GSE1: variants seen among roughly 807,000 people sequenced by gnomAD.
GSE1 encodes Gse1 coiled-coil protein.
A neutral mutation model predicts 112.6 loss-of-function variants in GSE1; 32 were observed. The ratio of observed to expected loss-of-function variants is 0.28; its 90% confidence interval spans 0.21 to 0.38. The LOEUF (loss-of-function observed/expected upper bound fraction) is 0.38. Ranked by LOEUF, GSE1 falls within the 10% of genes least tolerant of loss-of-function variation. The probability of loss-of-function intolerance (pLI) is 1.00; values close to 1 mark genes in which losing one functional copy is unlikely to be tolerated. For missense variants in GSE1, 2,348 were observed against 1,699.2 expected, an observed-to-expected ratio of 1.38 and a Z score of -6.71; for synonymous variants, 1,115 against 735.6, an observed-to-expected ratio of 1.52 and a Z score of -8.35.
Position 85,443,535 on chromosome 16 carries a change from G to A in GSE1, c.2464+85892G>A, listed in dbSNP as rs145816637. Among the ~76,000 whole-genome samples the A allele has an allele frequency of 8.5e-3, 1,299 of 152,382 alleles. 6 individuals are homozygous for A. Among genetic ancestry groups the A allele is most frequent in the Middle Eastern group, 0.017 (5 of 294 alleles). ...GGTAATGTTTATATAAGCGTTAACT[G>A]TTATTATTCTGGGTAGAAACTTAAG... On this transcript the variant is annotated intron_variant, in intron 2 of 2. Coordinates refer to the GSE1 transcript ENST00000637419.
At chr16:85,614,706 C>T (rs987077001) in intron 1 of GSE1, among the ~76,000 whole-genome samples, 1 of 152,206 alleles carries the variant, frequency 6.6e-6, no homozygotes, top group African/African-American at 2.4e-5. Context: ...GTCGGTTTGG[C>T]TCTTACAAAC....
At chr16:85,385,109 C>T (rs187769841) in intron 2 of GSE1, among the ~76,000 whole-genome samples, 3 of 152,248 alleles carry the variant, frequency 2.0e-5, no homozygotes, top group African/African-American at 4.8e-5. Context: ...AGTCTGTTCT[C>T]GCCAAGGAAG....
At chr16:85,251,521 C>G (rs914506144) in intron 1 of GSE1, among the ~76,000 whole-genome samples, 2 of 152,160 alleles carry the variant, frequency 1.3e-5, no homozygotes, top group Admixed American at 1.3e-4. Context: ...GGCCGGGGCT[C>G]GAACCCTGCT....
chr16:85,351,443 A>T (rs1426496681), intron 1 of GSE1, among the ~76,000 whole-genome samples: 1 of 152,222 alleles, frequency 6.6e-6, no homozygotes, highest in African/African-American at 2.4e-5. Flanking sequence ...CAGAAATGAC[A>T]TTTGTATGAA....
At chr16:85,269,841 G>C (rs921521036) in intron 1 of GSE1, among the ~76,000 whole-genome samples, 8 of 149,450 alleles carry the variant, frequency 5.4e-5, no homozygotes, top group Non-Finnish European at 1.2e-4. Flanking sequence ...TAGGTGGGAT[G>C]CCTGTGCCCT....
intron 2 of GSE1, among the ~76,000 whole-genome samples, chr16:85,539,075 A>G (rs989262818): frequency 6.6e-6 from 1 of 152,180 alleles, no homozygotes; most frequent in African/African-American, 2.4e-5. Flanking sequence ...CCCTGCCTCC[A>G]CACAGCTTTG....
intron 2 of GSE1, among the ~76,000 whole-genome samples, chr16:85,430,782 C>T (rs1431389546): frequency 6.6e-6 from 1 of 152,204 alleles, no homozygotes; most frequent in African/African-American, 2.4e-5. Flanking sequence ...TGCCCGCCTC[C>T]ATCAGGGCCT....
intron 1 of GSE1, chr16:85,357,396 G>A: frequency 9.9e-7 from 1 of 1,005,544 alleles, no homozygotes; most frequent in Non-Finnish European, 1.3e-6. Context: ...TGGCCAGAGA[G>A]TCCATTCATG....
At chr16:85,450,364 C>T (rs1024925166) in intron 2 of GSE1, among the ~76,000 whole-genome samples, 2 of 152,000 alleles carry the variant, frequency 1.3e-5, no homozygotes, top group Non-Finnish European at 2.9e-5. Context: ...GTGATCTGCC[C>T]GCCTTGGCCT....
At chr16:85,578,923 T>G (rs2046341126) in intron 1 of GSE1, among the ~76,000 whole-genome samples, 1 of 151,040 alleles carries the variant, frequency 6.6e-6, no homozygotes, top group Non-Finnish European at 1.5e-5. Flanking sequence ...GACTGTAAGC[T>G]CCCCCCAGCA....
At position 85,657,438 on chromosome 16, in the gene GSE1, A is replaced by C; in HGVS notation, c.1474A>C (p.Asn492His). 6.2e-7 allele frequency: 1 copy of C among 1,612,548 alleles called. No individual in the cohort carries two copies. Among genetic ancestry groups the C allele is most frequent in the Non-Finnish European group, 8.5e-7 (1 of 1,179,772 alleles). The change falls in exon 8 of 16, where the codon AAT (asparagine) becomes CAT (histidine). Residue 492 changes from asparagine to histidine, a missense_variant. Physicochemically the swap from Asn to His is moderately conservative, Grantham distance 68 (BLOSUM62 1). Transcript: ENST00000253458. ...CACAGCCCTGCTGATCCAGCGCACC[A>C]ATGAGGAGGAGAAGTGGCTGGCGCG... ...AATALLIQRT[N>H]EEEKWLARQR...
intron 1 of GSE1, among the ~76,000 whole-genome samples, chr16:85,596,423 T>C (rs1375501140): frequency 6.6e-6 from 1 of 152,206 alleles, no homozygotes; most frequent in Non-Finnish European, 1.5e-5. Context: ...GTGTTCATCA[T>C]GTGTGTGCTC....
chr16:85,640,447 GCCC>G (rs2050347986), intron 2 of GSE1, among the ~76,000 whole-genome samples: 1 of 152,254 alleles, frequency 6.6e-6, no homozygotes, highest in Admixed American at 6.5e-5. Flanking sequence ...GGCCCGCGGG[GCCC>G]TGTGCCGCCT....
chr16:85,250,122 G>A (rs189072913), intron 1 of GSE1, among the ~76,000 whole-genome samples: 204 of 152,342 alleles, frequency 1.3e-3, no homozygotes, highest in African/African-American at 4.8e-3. Flanking sequence ...TTCTCTCCTA[G>A]TTTCGTCCAC....
Position 85,284,365 on chromosome 16 carries a change from GGCGCGA to G in GSE1, c.2284-73096_2284-73091del, listed in dbSNP as rs2044951162. On this transcript the variant is annotated intron_variant, in intron 1 of 2. Coordinates refer to the GSE1 transcript ENST00000637419. Reference sequence around the variant, plus strand: ...GAGAGAGGTCTCCCGGCGGGGGCCGGGCGCGAGAGCCTCTGCTTCCATCTGCTCGGC... The same window carrying G: ...GAGAGAGGTCTCCCGGCGGGGGCCGGGAGCCTCTGCTTCCATCTGCTCGGC... Among the ~76,000 whole-genome samples, 4 of 152,306 alleles carry G rather than the reference GGCGCGA, an allele frequency of 2.6e-5. No homozygotes were observed. The South Asian group carries it at 8.3e-4, about 32-fold the overall frequency.
At chr16:85,240,400 G>C (rs1042359454) in intron 1 of GSE1, among the ~76,000 whole-genome samples, 15 of 152,224 alleles carry the variant, frequency 9.9e-5, no homozygotes, top group African/African-American at 3.6e-4. Context: ...CCCCACCAAG[G>C]GGGAGGGGGG....
At chr16:85,444,063 C>T (rs565055092) in intron 2 of GSE1, among the ~76,000 whole-genome samples, 52 of 143,160 alleles carry the variant, frequency 3.6e-4, no homozygotes, top group East Asian at 8.4e-4. Context: ...TGGCTCACTG[C>T]GACCTCCGCC....
At position 85,661,202 on chromosome 16, in the gene GSE1, G is replaced by A. The variant is rs1363369161; in HGVS notation, c.1697G>A (p.Gly566Glu). The A allele has an allele frequency of 3.7e-6, 6 of 1,606,130 alleles. No homozygotes were observed. Among genetic ancestry groups the A allele is most frequent in the South Asian group, 1.1e-5 (1 of 90,866 alleles). The stretch of plus-strand genomic sequence containing the variant: ...CGTGACCCTCCGCAGCACTTTGGGG[G>A]GCCACCACCTCTGATTTCGCCCAAG... ...GGRDPPQHFGGPPPLISPKPQ... is the reference protein window; with the variant it reads ...GGRDPPQHFGEPPPLISPKPQ... Residue 566 changes from glycine to glutamate, a missense_variant, in exon 9 of 16, where the codon GGG (glycine) becomes GAG (glutamate). Coordinates refer to ENST00000253458, the MANE Select transcript of GSE1 (RefSeq NM_014615.5).
intron 1 of GSE1, among the ~76,000 whole-genome samples, chr16:85,241,574 A>G (rs1905174382): frequency 6.8e-6 from 1 of 146,102 alleles, no homozygotes; most frequent in Non-Finnish European, 1.5e-5. Flanking sequence ...GAGTCTCTGA[A>G]TAAACTCTGT....
Sources: gnomAD v4.1 joint callset for allele counts (sites outside exome capture counted in the v4.1 genomes callset) on GRCh38, gnomAD v4.1.1 for gene constraint, MANE v1.5 for transcripts, NCBI Gene and HGNC (gene_info 2026-07-23, HGNC 2026-07-21) for gene names.